The following CCDC138 variants were observed in gnomAD, a reference collection of about 807,000 sequenced individuals.
CCDC138 encodes the protein coiled-coil domain-containing protein 138.
CCDC138 carries 66 observed loss-of-function variants against 82.3 expected under a neutral mutation model. The observed-to-expected ratio is 0.80, with a 90% CI of 0.66 to 0.98. The LOEUF is 0.98. Among genes scored for constraint, CCDC138 ranks in the 50% least tolerant of loss-of-function variants. The pLI is 0.00. For synonymous variants in CCDC138, 297 were observed against 265.4 expected (o/e 1.12, Z -1.16); for missense variants, 816 against 758.9 (o/e 1.08, Z -0.88).
rs572852313 is a variant in CCDC138 at position 108,794,559 on chromosome 2, G to C, written c.414G>C (p.Thr138=). Residue 138 remains threonine (T), a synonymous_variant, in exon 5 of 15, where the codon ACG becomes ACC. Coordinates refer to ENST00000295124, the MANE Select transcript of CCDC138 (RefSeq NM_144978.3). ...TTGCAGTTGCCTTGCCAACTAATAC[G>C]ACCTCATCGAGACCTCGGACTGAGT... ...EIEKVALPTN[T]TSSRPRTECC... is the part of the protein sequence containing the mutation. 8.7e-6 allele frequency: 14 copies of C among 1,609,550 alleles called. No homozygotes were observed. In the African/African-American group the frequency reaches 1.7e-4, roughly 20 times the overall value.
intron 6 of CCDC138, 46 bp downstream of exon 6, chr2:108,798,632 C>T (rs1210581175): frequency 1.4e-6 from 2 of 1,440,202 alleles, no homozygotes; most frequent in Non-Finnish European, 1.9e-6. Flanking sequence ...TTCTTCTTTT[C>T]TTCTTAGATT....
chr2:108,868,279 A>G (rs929666475), intron 13 of CCDC138, among the ~76,000 whole-genome samples: 4 of 152,198 alleles, frequency 2.6e-5, no homozygotes, highest in Non-Finnish European at 2.9e-5. Context: ...CAGGGAGTCC[A>G]TGGTGCCCCT....
At chr2:108,797,681 G>A (rs1558974879) in intron 5 of CCDC138, among the ~76,000 whole-genome samples, 1 of 152,080 alleles carries the variant, frequency 6.6e-6, no homozygotes. Context: ...GGAAGGAGAA[G>A]CATGTATATA....
At chr2:108,820,468 T>C (rs1685492259) in intron 10 of CCDC138, among the ~76,000 whole-genome samples, 2 of 151,996 alleles carry the variant, frequency 1.3e-5, no homozygotes, top group South Asian at 4.2e-4. Context: ...AGGAAAGAAA[T>C]AGGCATACAA....
chr2:108,803,898 T>C (rs557778538), intron 6 of CCDC138, among the ~76,000 whole-genome samples: 1 of 152,332 alleles, frequency 6.6e-6, no homozygotes, highest in Admixed American at 6.5e-5. Context: ...ATGGAAAAAG[T>C]TGGACAATGA....
chr2:108,808,771 T>C (rs911451581), intron 7 of CCDC138, among the ~76,000 whole-genome samples: 22 of 152,232 alleles, frequency 1.4e-4, no homozygotes, highest in African/African-American at 4.1e-4. Flanking sequence ...ATGAATAGTT[T>C]GCATATATTT....
rs1255463759 is a variant in CCDC138 at position 108,788,903 on chromosome 2, C to G, written c.203C>G (p.Ser68Cys). The change falls in exon 3 of 15, where the codon TCT becomes TGT. Residue 68 changes from serine (S) to cysteine (C), a missense_variant. Coordinates refer to ENST00000295124, the MANE Select transcript of CCDC138 (RefSeq NM_144978.3). ...AAAGTTGGTTCATCGTTAAAATATTCTGATGAAAGCAAGCATTGTAGAACA... is the reference window on the plus strand; with the variant it reads ...AAAGTTGGTTCATCGTTAAAATATTGTGATGAAAGCAAGCATTGTAGAACA... ...GDKVGSSLKY[S>C]DESKHCRTPL... 8 of 1,613,846 alleles carry G rather than the reference C, an allele frequency of 5.0e-6. No homozygotes were observed. In the Admixed American group the frequency reaches 1.3e-4, roughly 27 times the overall value.
intron 13 of CCDC138, among the ~76,000 whole-genome samples, chr2:108,859,662 G>A (rs753969329): frequency 1.4e-4 from 22 of 152,042 alleles, no homozygotes; most frequent in Non-Finnish European, 2.8e-4. Context: ...TGGTCTGTGT[G>A]TCTTTTTATA....
Position 108,796,356 on chromosome 2 carries a change from A to AT in CCDC138, c.576+1636dup, listed in dbSNP as rs1331103731. 2.6e-5 allele frequency among the ~76,000 whole-genome samples: 4 copies of AT among 152,176 alleles called. No individual in the cohort carries two copies. The East Asian group carries it at 7.7e-4, about 29-fold the overall frequency. ...GGCGTGAGCCACCGCGCCTGGCCAA[A>AT]TCAGTCTATAGTTTAATCTGACTTT... is the stretch of plus-strand genomic sequence containing the variant. On this transcript the variant is annotated intron_variant, in intron 5 of 14. Coordinates refer to ENST00000295124, the MANE Select transcript of CCDC138 (RefSeq NM_144978.3).
At chr2:108,790,896 C>A (rs544718014) in intron 3 of CCDC138, among the ~76,000 whole-genome samples, 2 of 151,942 alleles carry the variant, frequency 1.3e-5, no homozygotes. Context: ...GGACTACAGA[C>A]GTGCACCACT....
Position 108,798,455 on chromosome 2 carries a change from G to C in CCDC138, c.604G>C (p.Ala202Pro), listed in dbSNP as rs1681273764. 1.2e-6 allele frequency: 2 copies of C among 1,613,392 alleles called. No individual in the cohort carries two copies. The highest frequency in any genetic ancestry group is 1.7e-6 in the Non-Finnish European group (2 of 1,179,776). ...QCETAAQQKF[A>P]EELQKRERFL... Reference sequence around the variant, plus strand: ...TGAAACTGCAGCACAACAGAAATTTGCTGAAGAACTTCAAAAGCGAGAACG... The same window carrying C: ...TGAAACTGCAGCACAACAGAAATTTCCTGAAGAACTTCAAAAGCGAGAACG... Residue 202 changes from alanine to proline, a missense_variant, in exon 6 of 15, where the codon GCT becomes CCT. Physicochemically the swap from Ala to Pro is conservative, Grantham distance 27. Transcript: ENST00000295124.
intron 14 of CCDC138, among the ~76,000 whole-genome samples, chr2:108,873,867 G>C (rs554880248): frequency 6.6e-6 from 1 of 152,100 alleles, no homozygotes; most frequent in South Asian, 2.1e-4. Context: ...GGACAAGCTT[G>C]ATTTAGACCT....
intron 7 of CCDC138, among the ~76,000 whole-genome samples, chr2:108,809,448 TTGTGTGTGTGTGTGTGTG>T (rs56122981): frequency 1.7e-4 from 24 of 141,138 alleles, no homozygotes; most frequent in African/African-American, 5.7e-4. Flanking sequence ...ACATGAAATG[TTGTGTGTGTGTGTGTGTG>T]TGTGTGTGTG....
At chr2:108,828,836 G>C (rs1248315505) in intron 10 of CCDC138, among the ~76,000 whole-genome samples, 2 of 152,058 alleles carry the variant, frequency 1.3e-5, no homozygotes, top group Non-Finnish European at 2.9e-5. Context: ...AAATTAGCCA[G>C]TCATGGTGGC....
rs988407406 is a variant in CCDC138, at chr2:108,827,611, C to T, written c.1206+11506C>T. Among the ~76,000 whole-genome samples the T allele has an allele frequency of 2.6e-4, 39 of 150,818 alleles. 1 individual carries two copies. Among genetic ancestry groups the T allele is most frequent in the Admixed American group, 1.7e-3 (26 of 15,090 alleles). Reference sequence around the variant, plus strand: ...GTGGGCGGATCACGAGGTCAGGAGACGGAGACTATCCTGGCTAACACAGTG... The same window carrying T: ...GTGGGCGGATCACGAGGTCAGGAGATGGAGACTATCCTGGCTAACACAGTG... On this transcript the variant is annotated intron_variant, in intron 10 of 14. Coordinates refer to ENST00000295124, the MANE Select transcript of CCDC138 (RefSeq NM_144978.3).
intron 3 of CCDC138, among the ~76,000 whole-genome samples, chr2:108,790,579 G>T (rs1679743469): frequency 6.6e-6 from 1 of 152,206 alleles, no homozygotes; most frequent in Non-Finnish European, 1.5e-5. Context: ...GCGGGTGCCT[G>T]TAGTCCCAGC....
At chr2:108,802,706 C>T (rs1682141289) in intron 6 of CCDC138, among the ~76,000 whole-genome samples, 1 of 146,160 alleles carries the variant, frequency 6.8e-6, no homozygotes, top group Admixed American at 6.9e-5. Flanking sequence ...CTGTCTTGTG[C>T]CAGTTTTCAA....
At chr2:108,847,966 C>G (rs1332767010) in intron 12 of CCDC138, among the ~76,000 whole-genome samples, 1 of 152,030 alleles carries the variant, frequency 6.6e-6, no homozygotes, top group Non-Finnish European at 1.5e-5. Context: ...ATAAAGTTCG[C>G]CACAGACCTA....
In CCDC138 at chr2:108,855,850, G is replaced by T. The variant is rs182117673; in HGVS notation, c.1517-944G>T. On this transcript the variant is annotated intron_variant, in intron 12 of 14. Coordinates refer to ENST00000295124, the MANE Select transcript of CCDC138 (RefSeq NM_144978.3). Reference sequence around the variant, plus strand: ...ACAAAAGAGTAAATTTTAATACGGTGATTCTGTTGTACTTTCAGTATTTCA... The same window carrying T: ...ACAAAAGAGTAAATTTTAATACGGTTATTCTGTTGTACTTTCAGTATTTCA... Among the ~76,000 whole-genome samples, 4 of 152,282 alleles carry T rather than the reference G, an allele frequency of 2.6e-5. No homozygotes were observed. In the East Asian group the frequency reaches 7.7e-4, roughly 29 times the overall value.
Sources: gnomAD v4.1 joint callset for allele counts (sites outside exome capture counted in the v4.1 genomes callset) on GRCh38, gnomAD v4.1.1 for gene constraint, MANE v1.5 for transcripts, NCBI Gene and HGNC (gene_info 2026-07-23, HGNC 2026-07-21) for gene names.